The following RERG variants were observed in gnomAD, a reference collection of about 807,000 sequenced individuals.
RERG encodes the protein RAS like estrogen regulated growth inhibitor, also known as ras-related and estrogen-regulated growth inhibitor.
RERG carries 25 observed loss-of-function variants against 23.2 expected under a neutral mutation model. The ratio of observed to expected loss-of-function variants is 1.08; its 90% confidence interval spans 0.79 to 1.50. RERG has a LOEUF of 1.50. Among genes scored for constraint, RERG ranks in the 40% most tolerant of loss-of-function variants. The pLI is 0.00. For missense variants in RERG, 253 were observed against 250.1 expected (o/e 1.01, Z -0.08); for synonymous variants, 81 against 89.1 (o/e 0.91, Z 0.51).
intron 2 of RERG, among the ~76,000 whole-genome samples, chr12:15,190,517 G>C (rs777673935): frequency 6.6e-6 from 1 of 152,022 alleles, no homozygotes; most frequent in Non-Finnish European, 1.5e-5. Flanking sequence ...CATAGTTCTA[G>C]GTTGACCCAA....
intron 1 of RERG, among the ~76,000 whole-genome samples, chr12:15,219,487 A>C (rs1017683980): frequency 1.3e-5 from 2 of 152,220 alleles, no homozygotes; most frequent in Admixed American, 1.3e-4. Context: ...TATTAGCAAA[A>C]ACCAGAAGCT....
chr12:15,216,984 T>G (rs549654450), intron 2 of RERG: 1 of 153,404 alleles, frequency 6.5e-6, no homozygotes, highest in East Asian at 1.9e-4. Flanking sequence ...CAATTCTGTT[T>G]CTGATAAAGC....
intron 4 of RERG, among the ~76,000 whole-genome samples, chr12:15,110,474 T>C (rs1484189771): frequency 8.9e-5 from 11 of 123,468 alleles, no homozygotes; most frequent in African/African-American, 3.4e-4. Context: ...TTTTTTTTTT[T>C]TTTTTTTTTT....
chr12:15,196,668 C>T (rs989598698), intron 2 of RERG, among the ~76,000 whole-genome samples: 1 of 152,070 alleles, frequency 6.6e-6, no homozygotes, highest in South Asian at 2.1e-4. Context: ...CACATACTGC[C>T]GCTCTCTGGG....
chr12:15,163,061 C>G (rs141463279), intron 2 of RERG, among the ~76,000 whole-genome samples: 1 of 152,092 alleles, frequency 6.6e-6, no homozygotes, highest in Admixed American at 6.6e-5. Context: ...GTTGTGTTAA[C>G]GAGGATCCCT....
intron 2 of RERG, among the ~76,000 whole-genome samples, chr12:15,153,055 T>C (rs890484333): frequency 6.6e-6 from 1 of 152,144 alleles, no homozygotes; most frequent in Non-Finnish European, 1.5e-5. Flanking sequence ...GTAGTTCGGG[T>C]GAGTCACATA....
At chr12:15,149,148 C>T (rs966305104) in intron 2 of RERG, among the ~76,000 whole-genome samples, 2 of 151,812 alleles carry the variant, frequency 1.3e-5, no homozygotes, top group Non-Finnish European at 2.9e-5. Flanking sequence ...GGATTACAGG[C>T]GTGAGCCACC....
Position 15,173,018 on chromosome 12 carries a change from T to C in RERG, c.61+44411A>G, listed in dbSNP as rs1864797579. 2.6e-5 allele frequency among the ~76,000 whole-genome samples: 4 copies of C among 152,082 alleles called. No homozygotes were observed. The South Asian group carries it at 8.3e-4, about 31-fold the overall frequency. On this transcript the variant is annotated intron_variant, in intron 2 of 4. Coordinates refer to ENST00000256953, the MANE Select transcript of RERG (RefSeq NM_032918.3). Reference sequence around the variant, plus strand: ...ATTTATCAATTTTTTCTTTTGTCACTTATGCTTTTTGTGTTATATCTATAA... The same window carrying C: ...ATTTATCAATTTTTTCTTTTGTCACCTATGCTTTTTGTGTTATATCTATAA...
chr12:15,167,201 C>A (rs1269520406), intron 2 of RERG, among the ~76,000 whole-genome samples: 3 of 152,166 alleles, frequency 2.0e-5, no homozygotes, highest in African/African-American at 7.2e-5. Flanking sequence ...ATGTCCCAGA[C>A]ACTAGACTTG....
chr12:15,186,558 G>C (rs1248950899), intron 2 of RERG, among the ~76,000 whole-genome samples: 2 of 151,970 alleles, frequency 1.3e-5, no homozygotes, highest in African/African-American at 4.8e-5. Flanking sequence ...AGGAGAGGAA[G>C]AGAAGAGGAG....
At chr12:15,147,869 GATA>G (rs1009921967) in intron 2 of RERG, among the ~76,000 whole-genome samples, 6 of 152,154 alleles carry the variant, frequency 3.9e-5, no homozygotes, top group African/African-American at 1.4e-4. Context: ...AGTCTTAATG[GATA>G]ATATTAATCC....
intron 2 of RERG, among the ~76,000 whole-genome samples, chr12:15,168,898 A>G (rs1337632505): frequency 6.6e-6 from 1 of 152,246 alleles, no homozygotes; most frequent in Non-Finnish European, 1.5e-5. Context: ...AGTGAGGAGC[A>G]GAACCTTTTC....
chr12:15,213,996 ATGTGTGTGTGTGTGTGTGTGTGTGTG>A (rs59427690), intron 2 of RERG, among the ~76,000 whole-genome samples: 7 of 130,964 alleles, frequency 5.3e-5, no homozygotes, highest in South Asian at 4.9e-4. Context: ...CAGAGAAAGT[ATGTGTGTGTGTGTGTGTGTGTGTGTG>A]TGTGTGTGTG....
At chr12:15,125,119 C>T (rs548466592) in intron 2 of RERG, among the ~76,000 whole-genome samples, 23 of 152,006 alleles carry the variant, frequency 1.5e-4, no homozygotes, top group South Asian at 6.2e-4. Flanking sequence ...TGTATAATCA[C>T]GTAACTTTAA....
chr12:15,117,675 G>GCGCGCGCGCGCA (rs1555119493), intron 3 of RERG, among the ~76,000 whole-genome samples: 32 of 145,134 alleles, frequency 2.2e-4, no homozygotes, highest in African/African-American at 8.8e-4. Flanking sequence ...TCACACACGC[G>GCGCGCGCGCGCA]CACACACACA....
rs539293919 is a variant in RERG at position 15,203,354 on chromosome 12, A to G, written c.61+14075T>C. On this transcript the variant is annotated intron_variant, in intron 2 of 4. Coordinates refer to ENST00000256953, the MANE Select transcript of RERG (RefSeq NM_032918.3). ...CCCACTTGTCTATTTTTGCTTTGTCATCTGTGCTTCTGGTGGCAAATTCAT... is the reference window on the plus strand; with the variant it reads ...CCCACTTGTCTATTTTTGCTTTGTCGTCTGTGCTTCTGGTGGCAAATTCAT... 1.5e-4 allele frequency among the ~76,000 whole-genome samples: 22 copies of G among 151,500 alleles called. No homozygotes were observed. The South Asian group carries it at 4.6e-3, about 31-fold the overall frequency.
chr12:15,214,131 T>C (rs1167594949), intron 2 of RERG, among the ~76,000 whole-genome samples: 1 of 152,102 alleles, frequency 6.6e-6, no homozygotes, highest in Non-Finnish European at 1.5e-5. Flanking sequence ...TTGTATGTTT[T>C]CACTGTGGAA....
intron 2 of RERG, among the ~76,000 whole-genome samples, chr12:15,162,891 C>T (rs559318261): frequency 6.6e-6 from 1 of 152,140 alleles, no homozygotes; most frequent in South Asian, 2.1e-4. Flanking sequence ...TTGCTCTAGA[C>T]CTTAGAGTCC....
intron 2 of RERG, among the ~76,000 whole-genome samples, chr12:15,130,858 T>G (rs200079980): frequency 2.0e-5 from 3 of 152,178 alleles, no homozygotes; most frequent in Non-Finnish European, 4.4e-5. Context: ...GAAACACTTT[T>G]GTTTTTGAAA....
Sources: allele counts gnomAD v4.1 joint callset (sites outside exome capture counted in the v4.1 genomes callset), GRCh38; gene constraint gnomAD v4.1.1; transcripts MANE v1.5; gene names NCBI Gene and HGNC (gene_info 2026-07-23, HGNC 2026-07-21).